CASR: variants seen among roughly 807,000 people sequenced by gnomAD.
CASR encodes extracellular calcium-sensing receptor.
Under a neutral mutation model 69.1 loss-of-function variants are expected in CASR, and 23 were observed. The ratio of observed to expected loss-of-function variants is 0.33; its 90% confidence interval spans 0.24 to 0.47. The LOEUF (loss-of-function observed/expected upper bound fraction) is 0.47. CASR is among the 20% of genes least tolerant of loss of function. The pLI, the probability that CASR is intolerant of heterozygous loss-of-function variation, is 1.00. For synonymous variants in CASR, 541 were observed against 544.7 expected, an observed-to-expected ratio of 0.99 and a Z score of 0.10; for missense variants, 924 against 1,356.1, an observed-to-expected ratio of 0.68 and a Z score of 5.00.
chr3:122,260,783 T>C (rs2074611718), intron 3 of CASR, among the ~76,000 whole-genome samples: 1 of 152,124 alleles, frequency 6.6e-6, no homozygotes, highest in Non-Finnish European at 1.5e-5. Context: ...TTTAATTACA[T>C]ACGTCATTGT....
At chr3:122,184,750 A>T (rs563646303) in intron 1 of CASR, among the ~76,000 whole-genome samples, 2 of 152,308 alleles carry the variant, frequency 1.3e-5, no homozygotes, top group African/African-American at 4.8e-5. Context: ...TGCCCCTAGA[A>T]GGGGCAGCGG....
chr3:122,281,992 A>G (rs2074894016), intron 5 of CASR, 121 bp from the exon 6 acceptor site: 6 of 1,438,576 alleles, frequency 4.2e-6, no homozygotes, highest in Non-Finnish European at 4.8e-6. Context: ...AATGGGCCCA[A>G]CGTCTGTCAC....
In CASR at chr3:122,284,894, T is replaced by G; in HGVS notation, c.2940T>G (p.Asp980Glu). 6.2e-7 allele frequency: 1 copy of G among 1,614,138 alleles called. No individual in the cohort carries two copies. ...CGGTCACCTTCTCACTGAGCTTTGA[T>G]GAGCCTCAGAAGAACGCCATGGCCC... ...SGTVTFSLSF[D>E]EPQKNAMAHR... Residue 980 changes from aspartate (D) to glutamate (E), a missense_variant, in exon 7 of 7, where the codon GAT becomes GAG. By Grantham distance (45) the Asp-to-Glu change is conservative (BLOSUM62 2). Around this residue, in one of 8 missense-constraint regions of CASR, gnomAD observed 201 missense variants for 228.8 expected, o/e 0.88. Transcript: ENST00000639785.
At chr3:122,198,451 T>C (rs11708053) in intron 1 of CASR, among the ~76,000 whole-genome samples, 43,980 of 152,054 alleles carry the variant, frequency 0.29, 7,073 homozygotes, top group Non-Finnish European at 0.36. Context: ...ATAACAAATA[T>C]ATATTTTGAA....
intron 1 of CASR, among the ~76,000 whole-genome samples, chr3:122,208,370 G>A (rs935282692): frequency 6.6e-6 from 1 of 152,036 alleles, no homozygotes; most frequent in African/African-American, 2.4e-5. Flanking sequence ...TTTGTATGTA[G>A]ATGTTAAGAT....
At chr3:122,258,834 A>G (rs922754509) in intron 3 of CASR, among the ~76,000 whole-genome samples, 1 of 151,940 alleles carries the variant, frequency 6.6e-6, no homozygotes, top group Non-Finnish European at 1.5e-5. Context: ...CCACTCCGCA[A>G]AGATCAAGGT....
At chr3:122,242,427 G>A (rs552448975) in intron 1 of CASR, among the ~76,000 whole-genome samples, 23 of 152,000 alleles carry the variant, frequency 1.5e-4, no homozygotes, top group Admixed American at 9.2e-4. Flanking sequence ...GTAGTCCCAC[G>A]TATAATAGTC....
chr3:122,230,931 C>G (rs1318596597), intron 1 of CASR, among the ~76,000 whole-genome samples: 1 of 152,142 alleles, frequency 6.6e-6, no homozygotes, highest in Non-Finnish European at 1.5e-5. Context: ...TTTGTATTGA[C>G]CTATCGGATT....
chr3:122,195,034 C>T (rs1436295807), intron 1 of CASR, among the ~76,000 whole-genome samples: 1 of 119,946 alleles, frequency 8.3e-6, no homozygotes, highest in Non-Finnish European at 1.9e-5. Context: ...TTCCTCCTCC[C>T]TCTCTTTCTT....
chr3:122,194,937 C>T (rs375670874), intron 1 of CASR, among the ~76,000 whole-genome samples: 2 of 151,808 alleles, frequency 1.3e-5, no homozygotes, highest in East Asian at 3.9e-4. Context: ...TATATTCTTC[C>T]CTGCCACCTC....
intron 1 of CASR, among the ~76,000 whole-genome samples, chr3:122,216,179 C>G (rs1272367993): frequency 6.6e-6 from 1 of 152,190 alleles, no homozygotes; most frequent in Non-Finnish European, 1.5e-5. Flanking sequence ...TACAGACAGT[C>G]AGTTCACAGA....
chr3:122,203,412 G>C (rs1021830026), intron 1 of CASR, among the ~76,000 whole-genome samples: 1 of 152,138 alleles, frequency 6.6e-6, no homozygotes, highest in Non-Finnish European at 1.5e-5. Flanking sequence ...CTTACACCTA[G>C]CTATATGGGT....
intron 1 of CASR, among the ~76,000 whole-genome samples, chr3:122,217,197 C>G (rs556371820): frequency 6.6e-6 from 1 of 152,048 alleles, no homozygotes; most frequent in Admixed American, 6.5e-5. Context: ...CCTCCATCTC[C>G]CGGGCTCAAG....
At chr3:122,252,401 AGG>A (rs781554393) in intron 1 of CASR, among the ~76,000 whole-genome samples, 34 of 13,038 alleles carry the variant, frequency 2.6e-3, no homozygotes, top group Admixed American at 4.0e-3. Flanking sequence ...GAAGGAAGGA[AGG>A]AAGGAAAAAG....
In CASR at chr3:122,226,287, G is replaced by T. The variant is rs138788603; in HGVS notation, c.-242-27661G>T. Among the ~76,000 whole-genome samples, 3 of 152,020 alleles carry T rather than the reference G, an allele frequency of 2.0e-5. No individual in the cohort carries two copies. The East Asian group carries it at 5.8e-4, about 29-fold the overall frequency. On this transcript the variant is annotated intron_variant, in intron 1 of 6. Transcript: ENST00000639785. ...CTCAGGAGTGAAGCTGCAGACCTTC[G>T]CAGTGAGTGTTACAGCTCTTAAGGC... is the stretch of plus-strand genomic sequence containing the variant.
At chr3:122,250,394 AG>A (rs2074471771) in intron 1 of CASR, among the ~76,000 whole-genome samples, 1 of 152,214 alleles carries the variant, frequency 6.6e-6, no homozygotes, top group Non-Finnish European at 1.5e-5. Context: ...GAACTAATTA[AG>A]TTAATAAACT....
intron 5 of CASR, among the ~76,000 whole-genome samples, chr3:122,277,593 TG>T (rs1257023093): frequency 6.6e-6 from 1 of 152,190 alleles, no homozygotes; most frequent in Middle Eastern, 3.2e-3. Flanking sequence ...GATGGAGATT[TG>T]GGGGTTCCAG....
At position 122,262,031 on chromosome 3, in the gene CASR, A is replaced by G; in HGVS notation, c.996A>G (p.Glu332=). Residue 332 remains glutamate (E), a synonymous_variant, in exon 4 of 7, where the codon GAA becomes GAG. Coordinates refer to ENST00000639785, the MANE Select transcript of CASR (RefSeq NM_000388.4). ...LKAGQIPGFR[E]FLKKVHPRKS... Reference sequence around the variant, plus strand: ...CTGGGCAGATCCCAGGCTTCCGGGAATTCCTGAAGAAGGTCCATCCCAGGA... The same window carrying G: ...CTGGGCAGATCCCAGGCTTCCGGGAGTTCCTGAAGAAGGTCCATCCCAGGA... 6.2e-7 allele frequency: 1 copy of G among 1,614,198 alleles called. No individual in the cohort carries two copies. The highest frequency in any genetic ancestry group is 8.5e-7 in the Non-Finnish European group (1 of 1,180,028).
rs774327497 is a variant in CASR at position 122,188,242 on chromosome 3, C to T, written c.-243+4430C>T. On this transcript the variant is annotated intron_variant, in intron 1 of 6. Transcript: ENST00000639785. ...TAATGATGGCCTGAACCATGGCGGT[C>T]ATGGCAGCAGCCATGGAGAAAACTA... Among the ~76,000 whole-genome samples, 96 of 152,250 alleles carry T rather than the reference C, an allele frequency of 6.3e-4. 1 individual carries two copies. Among genetic ancestry groups the T allele is most frequent in the Non-Finnish European group, 1.2e-3 (79 of 68,010 alleles).
Sources: gnomAD v4.1 joint callset for allele counts (sites outside exome capture counted in the v4.1 genomes callset) on GRCh38, gnomAD v4.1.1 for gene constraint, gnomAD v4.1.1 regional missense constraint, MANE v1.5 for transcripts, NCBI Gene and HGNC (gene_info 2026-07-23, HGNC 2026-07-21) for gene names.